Variants in WDR64 observed in about 807,000 individuals in gnomAD.
WDR64 encodes WD repeat domain 64.
A neutral mutation model predicts 139.3 loss-of-function variants in WDR64; 112 were observed. The ratio of observed to expected loss-of-function variants is 0.80; its 90% CI spans 0.69 to 0.94. WDR64 has a LOEUF of 0.94. WDR64 is among the 40% of genes least tolerant of loss of function. The pLI is 0.00. For missense variants in WDR64, 1,206 were observed against 1,293.1 expected (o/e 0.93, Z 1.03); for synonymous variants, 444 against 437.7 (o/e 1.01, Z -0.18).
chr1:241,713,696 T>A (rs1018464518), intron 9 of WDR64, among the ~76,000 whole-genome samples: 6 of 152,162 alleles, frequency 3.9e-5, no homozygotes, highest in Non-Finnish European at 5.9e-5. Context: ...GTGGAGGTTT[T>A]GTTGGGATAA....
chr1:241,728,726 T>C (rs61825846), intron 10 of WDR64, among the ~76,000 whole-genome samples: 26,690 of 152,156 alleles, frequency 0.18, 2,596 homozygotes, highest in African/African-American at 0.21. Context: ...AAATATAATC[T>C]TCACTTACTT....
intron 6 of WDR64, among the ~76,000 whole-genome samples, chr1:241,679,935 C>T (rs1294903213): frequency 6.6e-6 from 1 of 152,160 alleles, no homozygotes; most frequent in Non-Finnish European, 1.5e-5. Flanking sequence ...AGTCCAGCTT[C>T]ATTAGGTAAG....
At position 241,713,143 on chromosome 1, in the gene WDR64, CA is replaced by C. The variant is rs57422282; in HGVS notation, c.1054+1274del. On this transcript the variant is annotated intron_variant, in intron 9 of 27. Transcript: ENST00000437684. ...GCAATACAGTAAGACCTTGTCTCTA[CA>C]AAAAAAAAAAATTAAAAATTAGCTG... Among the ~76,000 whole-genome samples, 145 of 136,960 alleles carry C rather than the reference CA, an allele frequency of 1.1e-3. 1 individual carries two copies. The highest frequency in any genetic ancestry group is 3.7e-3 in the Middle Eastern group (1 of 268). 89.9% of individuals were successfully genotyped at this position (136,960 alleles called of 152,430 possible). A position where few individuals can be genotyped will look rare whatever the true frequency, so the allele number is the denominator to read the frequency against.
rs1184291958 is a variant in WDR64, at chr1:241,741,532, C to T, written c.1338C>T (p.Asp446=). The change falls in exon 12 of 28, where the codon GAC becomes GAT. Residue 446 remains aspartate (D), a synonymous_variant. Coordinates refer to ENST00000437684, the MANE Select transcript of WDR64 (RefSeq NM_001367482.1). The stretch of plus-strand genomic sequence containing the variant: ...CTGTTCCAGGATCTAGTGTTATGGA[C>T]ATGTATCCTTTGACTAGGATGATAC... ...GMLITGSSVM[D]MYPLTRMIQD... 1 of 1,610,126 alleles carries T rather than the reference C, an allele frequency of 6.2e-7. No individual in the cohort carries two copies. The highest frequency in any genetic ancestry group is 1.7e-5 in the Admixed American group (1 of 59,082).
At chr1:241,799,886 T>C (rs971806392) in intron 27 of WDR64, among the ~76,000 whole-genome samples, 5 of 152,188 alleles carry the variant, frequency 3.3e-5, no homozygotes, top group African/African-American at 9.7e-5. Context: ...CATTGTATCA[T>C]ATAAAAATCC....
rs1477375195 is a variant in WDR64, at chr1:241,741,681, T to C, written c.1470+17T>C. On this transcript the variant is annotated intron_variant, in intron 12 of 27. Coordinates refer to ENST00000437684, the MANE Select transcript of WDR64 (RefSeq NM_001367482.1). ...ATAATTAGGGTAAGTACCTATTGGCTTTTCAAACAGAAAAAAAGGCAATGC... is the reference window on the plus strand; with the variant it reads ...ATAATTAGGGTAAGTACCTATTGGCCTTTCAAACAGAAAAAAAGGCAATGC... The C allele has an allele frequency of 2.6e-6, 4 of 1,561,868 alleles. No individual in the cohort carries two copies. In the South Asian group the frequency reaches 4.8e-5, roughly 19 times the overall value.
intron 14 of WDR64, among the ~76,000 whole-genome samples, chr1:241,751,015 A>G (rs998361193): frequency 2.6e-5 from 4 of 152,144 alleles, no homozygotes; most frequent in African/African-American, 9.7e-5. Context: ...CTTTATTATT[A>G]TATCTGCCTA....
chr1:241,688,455 G>T (rs1667093001), intron 8 of WDR64, among the ~76,000 whole-genome samples: 1 of 152,134 alleles, frequency 6.6e-6, no homozygotes, highest in Admixed American at 6.5e-5. Context: ...ACCTATTGGG[G>T]TATTACATAC....
intron 15 of WDR64, among the ~76,000 whole-genome samples, chr1:241,765,529 A>G (rs1263057842): frequency 6.6e-6 from 1 of 152,212 alleles, no homozygotes; most frequent in East Asian, 1.9e-4. Flanking sequence ...GGACGTCAGG[A>G]GAGTAAGGAG....
At position 241,770,705 on chromosome 1, in the gene WDR64, G is replaced by T. The variant is rs1658396892; in HGVS notation, c.2253+15G>T. The T allele has an allele frequency of 1.9e-6, 3 of 1,550,102 alleles. No homozygotes were observed. Among genetic ancestry groups the T allele is most frequent in the Non-Finnish European group, 2.6e-6 (3 of 1,146,130 alleles). ...AGAGCAGTAAGGTAAGCAAGACACAGACAGGGTCTGTCTTCCTGTCATACT... is the reference window on the plus strand; with the variant it reads ...AGAGCAGTAAGGTAAGCAAGACACATACAGGGTCTGTCTTCCTGTCATACT... On this transcript the variant is annotated intron_variant, in intron 18 of 27. Coordinates refer to ENST00000437684, the MANE Select transcript of WDR64 (RefSeq NM_001367482.1).
Position 241,697,938 on chromosome 1 carries a change from T to C in WDR64, c.974+10343T>C, listed in dbSNP as rs76736988. 2.8e-3 allele frequency among the ~76,000 whole-genome samples: 431 copies of C among 152,320 alleles called. 2 individuals are homozygous for C. The highest frequency in any genetic ancestry group is 9.8e-3 in the African/African-American group (406 of 41,560). ...TTCTTTTTTCTTGTGATTCTTCTTTTCATGCCTTCTCTTAATGGTGGCATT... is the reference window on the plus strand; with the variant it reads ...TTCTTTTTTCTTGTGATTCTTCTTTCCATGCCTTCTCTTAATGGTGGCATT... On this transcript the variant is annotated intron_variant, in intron 8 of 27. Coordinates refer to ENST00000437684, the MANE Select transcript of WDR64 (RefSeq NM_001367482.1).
At chr1:241,701,195 T>G (rs1337386266) in intron 8 of WDR64, among the ~76,000 whole-genome samples, 5 of 152,236 alleles carry the variant, frequency 3.3e-5, no homozygotes, top group Admixed American at 1.3e-4. Flanking sequence ...AGAGCAAAGT[T>G]GAGTTACGCA....
At chr1:241,738,015 G>C (rs779173635) in intron 10 of WDR64, among the ~76,000 whole-genome samples, 8 of 152,092 alleles carry the variant, frequency 5.3e-5, no homozygotes, top group Non-Finnish European at 8.8e-5. Context: ...ATAATACAAA[G>C]AGAAATGTGA....
At position 241,683,421 on chromosome 1, in the gene WDR64, A is replaced by G. The variant is rs1050721975; in HGVS notation, c.625-66A>G. 2.0e-6 allele frequency: 3 copies of G among 1,466,330 alleles called. No individual in the cohort carries two copies. In the Admixed American group the frequency reaches 6.2e-5, roughly 31 times the overall value. The allele number at this position is 1,466,330 out of a possible 1,614,324, so 90.8% of individuals were successfully genotyped here. On this transcript the variant is annotated intron_variant, in intron 6 of 27. Coordinates refer to ENST00000437684, the MANE Select transcript of WDR64 (RefSeq NM_001367482.1). ...GCGGAAAGTGAAATTTTTGTCAAAT[A>G]ATAGGGGAAATATTTATTGAACAGA...
chr1:241,796,226 T>G, intron 26 of WDR64, 31 bp from the exon 27 acceptor site: 1 of 1,515,406 alleles, frequency 6.6e-7, no homozygotes, highest in Non-Finnish European at 9.1e-7. Context: ...TCACTTTGAG[T>G]GTGTCTCACT....
At chr1:241,688,140 A>G (rs1667079966) in intron 8 of WDR64, among the ~76,000 whole-genome samples, 1 of 152,232 alleles carries the variant, frequency 6.6e-6, no homozygotes, top group South Asian at 2.1e-4. Context: ...ACATGAATGA[A>G]TATCAAAAAC....
intron 8 of WDR64, among the ~76,000 whole-genome samples, chr1:241,709,948 TA>T (rs977003796): frequency 1.3e-4 from 19 of 144,132 alleles, no homozygotes; most frequent in South Asian, 1.3e-3. Flanking sequence ...TTGGTGGCAA[TA>T]AAAAAAAAGA....
intron 14 of WDR64, among the ~76,000 whole-genome samples, chr1:241,753,048 T>C (rs779836851): frequency 2.0e-5 from 3 of 152,220 alleles, no homozygotes; most frequent in Admixed American, 6.5e-5. Flanking sequence ...TATGGGCCCA[T>C]ACTTTTAAAT....
At chr1:241,794,847 A>G (rs1303306228) in intron 25 of WDR64, among the ~76,000 whole-genome samples, 1 of 152,192 alleles carries the variant, frequency 6.6e-6, no homozygotes, top group Admixed American at 6.5e-5. Flanking sequence ...GTAAAACAAC[A>G]AAGGTTGAAT....
Sources: allele counts gnomAD v4.1 joint callset (sites outside exome capture counted in the v4.1 genomes callset), GRCh38; gene constraint gnomAD v4.1.1; transcripts MANE v1.5; gene names NCBI Gene and HGNC (gene_info 2026-07-23, HGNC 2026-07-21).